Variants in PIAS1 observed in about 807,000 individuals in gnomAD.
PIAS1 encodes E3 SUMO-protein ligase PIAS1.
In PIAS1, 6 loss-of-function variants were observed where a neutral mutation model predicts 71.3. The ratio of observed to expected loss-of-function variants is 0.08; its 90% CI spans 0.05 to 0.17. The LOEUF (loss-of-function observed/expected upper bound fraction) is 0.17. Among genes scored for constraint, PIAS1 ranks in the 10% least tolerant of loss-of-function variants. PIAS1 has a pLI of 1.00. For synonymous variants in PIAS1, 303 were observed against 292.9 expected (o/e 1.03, Z -0.35); for missense variants, 555 against 793.6 (o/e 0.70, Z 3.61).
intron 2 of PIAS1, among the ~76,000 whole-genome samples, chr15:68,108,156 G>A (rs562229863): frequency 1.3e-5 from 2 of 152,216 alleles, no homozygotes; most frequent in African/African-American, 4.8e-5. Flanking sequence ...GATCCTCAGC[G>A]TGGCAAAATT....
chr15:68,161,581 GTTTTA>G (rs1347934088), intron 7 of PIAS1, among the ~76,000 whole-genome samples: 3 of 151,340 alleles, frequency 2.0e-5, no homozygotes, highest in Non-Finnish European at 4.4e-5. Context: ...TATAAATCGT[GTTTTA>G]TTTTAAGTAA....
intron 6 of PIAS1, among the ~76,000 whole-genome samples, chr15:68,153,292 C>T (rs2092861814): frequency 1.3e-5 from 2 of 152,168 alleles, no homozygotes; most frequent in Admixed American, 6.5e-5. Flanking sequence ...AATATTAAAT[C>T]CAAGACAGAC....
intron 1 of PIAS1, among the ~76,000 whole-genome samples, chr15:68,082,800 G>C (rs1433053922): frequency 6.6e-6 from 1 of 152,082 alleles, no homozygotes; most frequent in East Asian, 1.9e-4. Context: ...AATGCCAGAA[G>C]AACTAGCTAA....
intron 2 of PIAS1, among the ~76,000 whole-genome samples, chr15:68,109,722 G>A (rs1567045625): frequency 6.6e-6 from 1 of 152,168 alleles, no homozygotes; most frequent in African/African-American, 2.4e-5. Context: ...GCCCTGGCCA[G>A]GAGAAACGCA....
chr15:68,126,599 C>T lies in PIAS1; in HGVS notation c.470-15347C>T, dbSNP rs149210388. ...CTGGGATTGCAGGCGTGTCCCACCACGCCCAGCCAATTTTTGTATTTTTAG... is the reference window on the plus strand; with the variant it reads ...CTGGGATTGCAGGCGTGTCCCACCATGCCCAGCCAATTTTTGTATTTTTAG... On this transcript the variant is annotated intron_variant, in intron 2 of 13. Coordinates refer to ENST00000249636, the MANE Select transcript of PIAS1 (RefSeq NM_016166.3). 3.3e-3 allele frequency among the ~76,000 whole-genome samples: 503 copies of T among 152,254 alleles called. 5 individuals carry two copies. Among genetic ancestry groups the T allele is most frequent in the African/African-American group, 0.012 (489 of 41,562 alleles).
At position 68,119,237 on chromosome 15, in the gene PIAS1, CAAAAAAAAAA is replaced by C. The variant is rs60879036; in HGVS notation, c.470-22691_470-22682del. Among the ~76,000 whole-genome samples, 68 of 27,404 alleles carry C rather than the reference CAAAAAAAAAA, an allele frequency of 2.5e-3. 2 individuals carry two copies. The South Asian group carries it at 0.091, about 37-fold the overall frequency. The allele number at this position is 27,404 out of a possible 152,430, so 18.0% of individuals were successfully genotyped here. A position where few individuals can be genotyped will look rare whatever the true frequency, so the allele number is the denominator to read the frequency against. On this transcript the variant is annotated intron_variant, in intron 2 of 13. Transcript: ENST00000249636. ...CAACATGGTGAAACCCCATCTCTAC[CAAAAAAAAAA>C]AAAAAAAAAAAAAAAAAGTATATAT...
At chr15:68,134,767 C>A (rs1206517935) in intron 2 of PIAS1, among the ~76,000 whole-genome samples, 10 of 41,750 alleles carry the variant, frequency 2.4e-4, no homozygotes, top group East Asian at 6.6e-4. Context: ...GGCAGAGGGG[C>A]TCCTCACTTC....
At chr15:68,135,146 G>C (rs867073654) in intron 2 of PIAS1, among the ~76,000 whole-genome samples, 194 of 44,648 alleles carry the variant, frequency 4.3e-3, no homozygotes, top group African/African-American at 8.7e-3. Flanking sequence ...GGCGGGGGCT[G>C]ACCCCCCCAC....
At chr15:68,124,236 G>A (rs2092633992) in intron 2 of PIAS1, among the ~76,000 whole-genome samples, 1 of 152,092 alleles carries the variant, frequency 6.6e-6, no homozygotes, top group Non-Finnish European at 1.5e-5. Context: ...TTCAACTACT[G>A]ATGGCTATAA....
chr15:68,134,584 C>T (rs1275877694), intron 2 of PIAS1, among the ~76,000 whole-genome samples: 1 of 42,194 alleles, frequency 2.4e-5, no homozygotes, highest in Non-Finnish European at 1.0e-4. Context: ...AGGCGCCCCC[C>T]ACCCCCCAGA....
rs1201803874 is a variant in PIAS1 at position 68,145,853 on chromosome 15, C to T, written c.640C>T (p.His214Tyr). Reference sequence around the variant, plus strand: ...AGAAACCAGTTGTCCACAAGAAGATCACTTCCCACCCAATCTTTGTGTGAA... The same window carrying T: ...AGAAACCAGTTGTCCACAAGAAGATTACTTCCCACCCAATCTTTGTGTGAA... ...LSETSCPQED[H>Y]FPPNLCVKVN... The change falls in exon 5 of 14, where the codon CAC (histidine) becomes TAC (tyrosine). Residue 214 changes from histidine to tyrosine, a missense_variant. Physicochemically the swap from His to Tyr is moderately conservative, Grantham distance 83. Coordinates refer to ENST00000249636, the MANE Select transcript of PIAS1 (RefSeq NM_016166.3). 6.2e-7 allele frequency: 1 copy of T among 1,611,678 alleles called. No homozygotes were observed. Among genetic ancestry groups the T allele is most frequent in the Non-Finnish European group, 8.5e-7 (1 of 1,178,004 alleles).
intron 1 of PIAS1, among the ~76,000 whole-genome samples, chr15:68,068,672 C>T (rs1597124195): frequency 6.6e-6 from 1 of 152,100 alleles, no homozygotes; most frequent in Admixed American, 6.5e-5. Flanking sequence ...AGGCTGGTCT[C>T]GAACTCATGA....
chr15:68,057,144 C>G (rs2091904736), intron 1 of PIAS1, among the ~76,000 whole-genome samples: 1 of 152,058 alleles, frequency 6.6e-6, no homozygotes, highest in Admixed American at 6.5e-5. Context: ...AGATCTTTAT[C>G]CCCTGTAGGA....
At chr15:68,177,717 T>C (rs1328749779) in intron 11 of PIAS1, among the ~76,000 whole-genome samples, 1 of 152,228 alleles carries the variant, frequency 6.6e-6, no homozygotes, top group Non-Finnish European at 1.5e-5. Context: ...ACAAGTAGCA[T>C]ACTCCAACTA....
chr15:68,185,533 A>G lies in PIAS1; in HGVS notation c.1662+1866A>G, dbSNP rs1279446152. 6.6e-6 allele frequency among the ~76,000 whole-genome samples: 1 copy of G among 152,262 alleles called. No individual in the cohort carries two copies. The highest frequency in any genetic ancestry group is 2.4e-5 in the African/African-American group (1 of 41,468). On this transcript the variant is annotated intron_variant, in intron 13 of 13. Transcript: ENST00000249636. The surrounding 1 kb of genome is among the most constrained non-coding windows in gnomAD (Gnocchi z 4.4). ...ACTAATGAGCTGTTGGAACTGGAAC[A>G]GGAACACGCAGCTGAAGAAGGTGCA...
In PIAS1 at chr15:68,187,598, C is replaced by T; in HGVS notation, c.1719C>T (p.Asp573=). The T allele has an allele frequency of 3.7e-6, 6 of 1,613,936 alleles. No homozygotes were observed. Among genetic ancestry groups the T allele is most frequent in the Non-Finnish European group, 5.1e-6 (6 of 1,179,832 alleles). Residue 573 remains aspartate, a synonymous_variant, in exon 14 of 14, where the codon GAC becomes GAT. Coordinates refer to ENST00000249636, the MANE Select transcript of PIAS1 (RefSeq NM_016166.3). The surrounding 1 kb of genome is among the most constrained non-coding windows in gnomAD (Gnocchi z 5.3). ...CAGCAGCAGTTTCAGATGATCAAGACCTCCTACACTCGTCTCGGTTTTTCC... is the reference window on the plus strand; with the variant it reads ...CAGCAGCAGTTTCAGATGATCAAGATCTCCTACACTCGTCTCGGTTTTTCC... ...AAAAAVSDDQ[D]LLHSSRFFPY...
intron 1 of PIAS1, among the ~76,000 whole-genome samples, chr15:68,082,662 A>G (rs1224252813): frequency 6.6e-6 from 1 of 152,100 alleles, no homozygotes; most frequent in Non-Finnish European, 1.5e-5. Flanking sequence ...AAAAATTATG[A>G]TAGAAAGATG....
intron 6 of PIAS1, among the ~76,000 whole-genome samples, chr15:68,152,899 CTTT>C (rs71287005): frequency 7.4e-5 from 9 of 121,936 alleles, no homozygotes; most frequent in Non-Finnish European, 1.1e-4. Context: ...TTTGGCTTTT[CTTT>C]TTTTTTTTTT....
intron 2 of PIAS1, among the ~76,000 whole-genome samples, chr15:68,135,045 G>A (rs1358622594): frequency 4.2e-5 from 2 of 47,794 alleles, no homozygotes; most frequent in African/African-American, 8.6e-5. Context: ...AGGGGCGGCC[G>A]GGCAGAGGCG....
Sources: allele counts gnomAD v4.1 joint callset (sites outside exome capture counted in the v4.1 genomes callset), GRCh38; gene constraint gnomAD v4.1.1; non-coding constraint Gnocchi (gnomAD v3.1); transcripts MANE v1.5; gene names NCBI Gene and HGNC (gene_info 2026-07-23, HGNC 2026-07-21).